Variants in HDAC4 observed in about 807,000 individuals in gnomAD.
HDAC4 encodes histone deacetylase A.
A neutral mutation model predicts 135.1 loss-of-function variants in HDAC4; 16 were observed. That is an observed-to-expected ratio of 0.12 (90% CI 0.08 to 0.18). The LOEUF (loss-of-function observed/expected upper bound fraction) is 0.18, where lower values mean the gene tolerates loss of function less well. Among genes scored for constraint, HDAC4 ranks in the 10% least tolerant of loss-of-function variants. The pLI, the probability that HDAC4 is intolerant of heterozygous loss-of-function variation, is 1.00. For missense variants in HDAC4, 1,143 were observed against 1,511.8 expected, an observed-to-expected ratio of 0.76 and a Z score of 4.05; for synonymous variants, 685 against 653.4, an observed-to-expected ratio of 1.05 and a Z score of -0.74.
chr2:239,391,877 AAG>A (rs1696241260), intron 1 of HDAC4, among the ~76,000 whole-genome samples: 1 of 152,190 alleles, frequency 6.6e-6, no homozygotes, highest in African/African-American at 2.4e-5. Flanking sequence ...GCTTAACCAG[AAG>A]AATTCTGAAA....
chr2:239,118,477 T>A (rs1445961738), intron 12 of HDAC4, among the ~76,000 whole-genome samples: 1 of 151,676 alleles, frequency 6.6e-6, no homozygotes, highest in African/African-American at 2.4e-5. Flanking sequence ...GGGAGGAGAG[T>A]GCAGCGGTGG....
At chr2:239,314,333 C>G (rs1376186231) in intron 2 of HDAC4, among the ~76,000 whole-genome samples, 1 of 152,174 alleles carries the variant, frequency 6.6e-6, no homozygotes, top group Non-Finnish European at 1.5e-5. Flanking sequence ...GAAGGACACT[C>G]GACAAAACAA....
intron 1 of HDAC4, among the ~76,000 whole-genome samples, chr2:239,387,891 G>C (rs1695933780): frequency 6.6e-6 from 1 of 152,178 alleles, no homozygotes. Flanking sequence ...GGAGTGGAAG[G>C]CGTGGGCTCA....
At chr2:239,185,942 G>A (rs1459562187) in intron 4 of HDAC4, among the ~76,000 whole-genome samples, 1 of 152,182 alleles carries the variant, frequency 6.6e-6, no homozygotes, top group African/African-American at 2.4e-5. Flanking sequence ...GCTGAGGCAT[G>A]AGCATCGCTT....
intron 1 of HDAC4, among the ~76,000 whole-genome samples, chr2:239,370,962 T>A (rs950796745): frequency 4.7e-5 from 7 of 148,172 alleles, no homozygotes; most frequent in African/African-American, 1.7e-4. Flanking sequence ...GCTCTAACCC[T>A]CTGCCCTTTG....
intron 2 of HDAC4, among the ~76,000 whole-genome samples, chr2:239,259,382 T>C (rs62182097): frequency 0.048 from 7,289 of 152,222 alleles, 185 homozygotes; most frequent in Non-Finnish European, 0.051. Flanking sequence ...AGGTGGAGGC[T>C]GCAGTGAGCT....
intron 1 of HDAC4, among the ~76,000 whole-genome samples, chr2:239,366,901 G>A (rs4852057): frequency 0.13 from 18,421 of 145,742 alleles, 3,232 homozygotes; most frequent in East Asian, 0.67. Context: ...ACTAAGTAAG[G>A]AAAGATCTCT....
intron 2 of HDAC4, among the ~76,000 whole-genome samples, chr2:239,296,861 G>T (rs1339841350): frequency 2.0e-5 from 3 of 151,934 alleles, no homozygotes; most frequent in Non-Finnish European, 2.9e-5. Context: ...TCACTCACCA[G>T]GTCTGTCAAA....
At chr2:239,242,336 C>T (rs1162814495) in intron 2 of HDAC4, among the ~76,000 whole-genome samples, 2 of 152,096 alleles carry the variant, frequency 1.3e-5, no homozygotes, top group Admixed American at 6.5e-5. Context: ...ATCTTTCAAT[C>T]CATGAACATG....
chr2:239,100,655 G>A (rs908267108), intron 16 of HDAC4, among the ~76,000 whole-genome samples: 3 of 152,160 alleles, frequency 2.0e-5, no homozygotes, highest in Admixed American at 1.3e-4. Context: ...CCCACAGGGG[G>A]TGATTAGCCG....
At position 239,051,973 on chromosome 2, in the gene HDAC4, T is replaced by C. The variant is rs1164409291; in HGVS notation, c.*1124A>G. ...TATATTATACATATATATATTTATT[T>C]ATACCTAAAATTTAAGCAATACTTC... On this transcript the variant is annotated 3_prime_UTR_variant, in exon 27 of 27. Coordinates refer to ENST00000543185, the MANE Select transcript of HDAC4 (RefSeq NM_001378414.1). The C allele has an allele frequency of 1.3e-5, 2 of 152,062 alleles. No homozygotes were observed. Among genetic ancestry groups the C allele is most frequent in the Non-Finnish European group, 2.9e-5 (2 of 68,000 alleles). 9.4% of individuals were successfully genotyped at this position (152,062 alleles called of 1,614,324 possible). A position where few individuals can be genotyped will look rare whatever the true frequency, so the allele number is the denominator to read the frequency against.
chr2:239,277,374 C>G (rs941404952), intron 2 of HDAC4, among the ~76,000 whole-genome samples: 8 of 152,188 alleles, frequency 5.3e-5, no homozygotes, highest in Non-Finnish European at 1.2e-4. Context: ...AGAAGGGAAG[C>G]TGGGGAAACG....
At chr2:239,254,417 TA>T (rs768394516) in intron 2 of HDAC4, among the ~76,000 whole-genome samples, 1,596 of 113,206 alleles carry the variant, frequency 0.014, 20 homozygotes, top group East Asian at 0.11. Context: ...CAAGCTGCGC[TA>T]AAAAAAAAAA....
At chr2:239,220,767 T>A (rs902618132) in intron 3 of HDAC4, among the ~76,000 whole-genome samples, 2 of 152,196 alleles carry the variant, frequency 1.3e-5, no homozygotes, top group Non-Finnish European at 2.9e-5. Context: ...TTTAAATGGA[T>A]AACAGATGGG....
At chr2:239,054,676 GA>G in intron 25 of HDAC4, 72 bp downstream of exon 25, 1 of 947,490 alleles carries the variant, frequency 1.1e-6, no homozygotes, top group Non-Finnish European at 1.7e-6. Context: ...GGTATAGGGG[GA>G]CAGGGATGGG....
At chr2:239,215,659 C>G (rs1344129628) in intron 3 of HDAC4, among the ~76,000 whole-genome samples, 1 of 152,168 alleles carries the variant, frequency 6.6e-6, no homozygotes, top group African/African-American at 2.4e-5. Flanking sequence ...ACACCTCTCT[C>G]TAATCTCCAG....
At chr2:239,358,276 AGTTAC>A (rs2125946479) in intron 1 of HDAC4, among the ~76,000 whole-genome samples, 1 of 152,302 alleles carries the variant, frequency 6.6e-6, no homozygotes, top group East Asian at 1.9e-4. Flanking sequence ...ACTCACAGAT[AGTTAC>A]GTTATCCGCT....
intron 3 of HDAC4, among the ~76,000 whole-genome samples, chr2:239,210,021 G>A (rs2046275682): frequency 6.6e-6 from 1 of 152,176 alleles, no homozygotes; most frequent in Non-Finnish European, 1.5e-5. Context: ...ATGAGACGGG[G>A]CCTTCTAGAA....
intron 4 of HDAC4, among the ~76,000 whole-genome samples, chr2:239,185,157 T>G (rs902869953): frequency 6.6e-6 from 1 of 151,652 alleles, no homozygotes; most frequent in African/African-American, 2.4e-5. Context: ...CTGTGCCCTA[T>G]GGGAGGAGTG....
Sources: gnomAD v4.1 joint callset for allele counts (sites outside exome capture counted in the v4.1 genomes callset) on GRCh38, gnomAD v4.1.1 for gene constraint, MANE v1.5 for transcripts, NCBI Gene and HGNC (gene_info 2026-07-23, HGNC 2026-07-21) for gene names.